NTNG2: variants seen among roughly 807,000 people sequenced by gnomAD.
The protein encoded by NTNG2 is netrin-G2.
In NTNG2, 15 loss-of-function variants were observed where a neutral mutation model predicts 47.6. The ratio of observed to expected loss-of-function variants is 0.32; its 90% confidence interval spans 0.21 to 0.49. NTNG2 has a LOEUF of 0.49. Ranked by LOEUF, NTNG2 falls within the 20% of genes least tolerant of loss-of-function variation. NTNG2 has a pLI of 0.99. For synonymous variants in NTNG2, 307 were observed against 324.6 expected (o/e 0.95, Z 0.58); for missense variants, 578 against 764.6 (o/e 0.76, Z 2.88).
chr9:132,224,408 C>T (rs1189269864), intron 3 of NTNG2, among the ~76,000 whole-genome samples: 2 of 152,154 alleles, frequency 1.3e-5, no homozygotes, highest in Non-Finnish European at 2.9e-5. Flanking sequence ...ACCATTGTGG[C>T]ATCATAAAGA....
chr9:132,188,489 C>T lies in NTNG2; in HGVS notation c.214-9477C>T, dbSNP rs182185355. 2.4e-3 allele frequency among the ~76,000 whole-genome samples: 365 copies of T among 152,304 alleles called. 1 individual carries two copies. The highest frequency in any genetic ancestry group is 8.0e-3 in the African/African-American group (333 of 41,572). On this transcript the variant is annotated intron_variant, in intron 2 of 7. Coordinates refer to ENST00000393229, the MANE Select transcript of NTNG2 (RefSeq NM_032536.4). ...CTTCTTATCCCACCTCAGCTGCTGCCGAGCCGCATGACCCTGCGACATTGC... is the reference window on the plus strand; with the variant it reads ...CTTCTTATCCCACCTCAGCTGCTGCTGAGCCGCATGACCCTGCGACATTGC...
intron 2 of NTNG2, among the ~76,000 whole-genome samples, chr9:132,192,275 G>C (rs1049531277): frequency 3.9e-5 from 6 of 152,200 alleles, no homozygotes; most frequent in African/African-American, 1.4e-4. Context: ...ATACCCCGGT[G>C]GGTCCCCAGA....
intron 6 of NTNG2, among the ~76,000 whole-genome samples, chr9:132,240,260 G>A (rs746275803): frequency 1.3e-5 from 2 of 152,252 alleles, no homozygotes; most frequent in Admixed American, 1.3e-4. Context: ...AGCCGCTGAC[G>A]TCACAGGGGG....
intron 2 of NTNG2, among the ~76,000 whole-genome samples, chr9:132,191,794 G>T (rs1156412042): frequency 1.3e-5 from 2 of 152,074 alleles, no homozygotes; most frequent in Admixed American, 6.5e-5. Context: ...GGATGGTCTC[G>T]ATCTCCTTAC....
intron 7 of NTNG2, chr9:132,241,318 AC>A (rs996494801): frequency 2.5e-5 from 10 of 400,862 alleles, no homozygotes; most frequent in Non-Finnish European, 3.5e-5. Flanking sequence ...GATGGGGCCG[AC>A]CCGGGGGCGG....
chr9:132,189,706 C>T (rs1837713019), intron 2 of NTNG2, among the ~76,000 whole-genome samples: 2 of 152,110 alleles, frequency 1.3e-5, no homozygotes, highest in Non-Finnish European at 2.9e-5. Flanking sequence ...GTGGTGTGAT[C>T]TCAGCTCACT....
intron 3 of NTNG2, among the ~76,000 whole-genome samples, chr9:132,217,230 A>G (rs978106315): frequency 6.6e-6 from 1 of 152,216 alleles, no homozygotes; most frequent in Admixed American, 6.5e-5. Flanking sequence ...GCACTCAGCA[A>G]ATTATTTCTA....
rs763148100 is a variant in NTNG2, at chr9:132,166,781, C to A, written c.-51C>A. ...GGCCGCGAGTCCCGCCTGACCCCGT[C>A]GCTGCCTCTCCAGGGCTTCTCTGGG... On this transcript the variant is annotated 5_prime_UTR_variant, in exon 2 of 8. Transcript: ENST00000393229. 14 of 1,572,348 alleles carry A rather than the reference C, an allele frequency of 8.9e-6. No individual in the cohort carries two copies. The highest frequency in any genetic ancestry group is 1.1e-5 in the South Asian group (1 of 90,264).
chr9:132,195,871 A>G (rs1488951094), intron 2 of NTNG2, among the ~76,000 whole-genome samples: 2 of 151,800 alleles, frequency 1.3e-5, no homozygotes. Context: ...GCCTCAAGTG[A>G]TCCTCCCACT....
intron 3 of NTNG2, among the ~76,000 whole-genome samples, chr9:132,204,352 C>T (rs913819308): frequency 3.9e-5 from 6 of 152,150 alleles, no homozygotes; most frequent in African/African-American, 1.4e-4. Context: ...TGTTTTCTTC[C>T]ATAAACGTCC....
At chr9:132,188,558 G>A (rs1051089189) in intron 2 of NTNG2, among the ~76,000 whole-genome samples, 4 of 152,202 alleles carry the variant, frequency 2.6e-5, no homozygotes, top group African/African-American at 9.6e-5. Context: ...GCACTCTCCA[G>A]GATCCCTGGG....
intron 5 of NTNG2, among the ~76,000 whole-genome samples, chr9:132,234,669 A>C (rs1481959892): frequency 6.6e-6 from 1 of 152,250 alleles, no homozygotes. Context: ...CGCTGGAGAC[A>C]CTAATCCTTT....
chr9:132,171,471 T>C (rs1261952102), intron 2 of NTNG2, among the ~76,000 whole-genome samples: 1 of 152,200 alleles, frequency 6.6e-6, no homozygotes, highest in East Asian at 1.9e-4. Context: ...TGGGTGAACA[T>C]TCAAATTTCA....
intron 2 of NTNG2, among the ~76,000 whole-genome samples, chr9:132,167,683 AG>A (rs1417656152): frequency 6.6e-6 from 1 of 152,196 alleles, no homozygotes; most frequent in African/African-American, 2.4e-5. Context: ...GGGGGAAGGC[AG>A]ACATTCAGGC....
chr9:132,189,639 T>TA (rs1172617902), intron 2 of NTNG2, among the ~76,000 whole-genome samples: 3 of 151,544 alleles, frequency 2.0e-5, no homozygotes, highest in South Asian at 2.1e-4. Context: ...CCCTTCAGCT[T>TA]AAAAAAAATT....
chr9:132,220,979 A>G (rs1318715418), intron 3 of NTNG2, among the ~76,000 whole-genome samples: 1 of 152,208 alleles, frequency 6.6e-6, no homozygotes, highest in Non-Finnish European at 1.5e-5. Context: ...ATTAAAAAAA[A>G]CATACTGTGT....
chr9:132,172,059 T>C (rs1835961929), intron 2 of NTNG2, among the ~76,000 whole-genome samples: 1 of 152,236 alleles, frequency 6.6e-6, no homozygotes, highest in Non-Finnish European at 1.5e-5. Flanking sequence ...CGGGGCCTGA[T>C]ATGATAGGAG....
chr9:132,212,816 G>A lies in NTNG2; in HGVS notation c.858-14033G>A, dbSNP rs561258353. Reference sequence around the variant, plus strand: ...AAATCCGTGTGTCCCCTGGTCACTTGTCACCTCTTACTCAAGCTGGCCTCT... The same window carrying A: ...AAATCCGTGTGTCCCCTGGTCACTTATCACCTCTTACTCAAGCTGGCCTCT... On this transcript the variant is annotated intron_variant, in intron 3 of 7. Transcript: ENST00000393229. 5.9e-5 allele frequency among the ~76,000 whole-genome samples: 9 copies of A among 152,234 alleles called. No homozygotes were observed. In the East Asian group the frequency reaches 1.7e-3, roughly 29 times the overall value.
In NTNG2 at chr9:132,194,643, C is replaced by T. The variant is rs561442476; in HGVS notation, c.214-3323C>T. ...GGCTGGGGCCAGTCCTACCCTGGCCCGGGCCTCAGTCCCCCCATCTGCTTA... is the reference window on the plus strand; with the variant it reads ...GGCTGGGGCCAGTCCTACCCTGGCCTGGGCCTCAGTCCCCCCATCTGCTTA... On this transcript the variant is annotated intron_variant, in intron 2 of 7. Transcript: ENST00000393229. Among the ~76,000 whole-genome samples the T allele has an allele frequency of 8.5e-5, 13 of 152,342 alleles. No homozygotes were observed. In the South Asian group the frequency reaches 1.2e-3, roughly 15 times the overall value.
Sources: allele counts gnomAD v4.1 joint callset (sites outside exome capture counted in the v4.1 genomes callset), GRCh38; gene constraint gnomAD v4.1.1; transcripts MANE v1.5; gene names NCBI Gene and HGNC (gene_info 2026-07-23, HGNC 2026-07-21).